Variants in MAGI3 observed in about 807,000 individuals in gnomAD.
MAGI3 encodes the protein membrane associated guanylate kinase, WW and PDZ domain containing 3.
Under a neutral mutation model 121.8 loss-of-function variants are expected in MAGI3, and 43 were observed. That is an observed-to-expected ratio of 0.35 (90% CI 0.28 to 0.46). MAGI3 has a LOEUF of 0.46. Among genes scored for constraint, MAGI3 ranks in the 20% least tolerant of loss-of-function variants. MAGI3 has a pLI of 1.00. For missense variants in MAGI3, 1,547 were observed against 1,797.3 expected (o/e 0.86, Z 2.52); for synonymous variants, 553 against 639.3 (o/e 0.86, Z 2.04).
intron 1 of MAGI3, among the ~76,000 whole-genome samples, chr1:113,453,781 A>G (rs1282766198): frequency 6.6e-6 from 1 of 152,218 alleles, no homozygotes. Flanking sequence ...CTAAGACTTT[A>G]AACAATAATA....
intron 1 of MAGI3, among the ~76,000 whole-genome samples, chr1:113,515,454 A>G (rs1196002081): frequency 1.3e-5 from 2 of 152,098 alleles, no homozygotes; most frequent in Non-Finnish European, 2.9e-5. Context: ...AAGTTTTTTT[A>G]TTTATATATG....
chr1:113,468,826 C>T (rs2101534776), intron 1 of MAGI3, among the ~76,000 whole-genome samples: 1 of 152,158 alleles, frequency 6.6e-6, no homozygotes, highest in South Asian at 2.1e-4. Context: ...ATGTGGCTCA[C>T]ATTTGTAGAT....
chr1:113,405,595 A>T (rs922049449), intron 1 of MAGI3, among the ~76,000 whole-genome samples: 3 of 150,234 alleles, frequency 2.0e-5, no homozygotes, highest in Non-Finnish European at 4.4e-5. Flanking sequence ...AGACTATTGT[A>T]GTTGCTTGTA....
intron 1 of MAGI3, among the ~76,000 whole-genome samples, chr1:113,396,367 G>A (rs1050721812): frequency 9.3e-5 from 14 of 150,836 alleles, no homozygotes; most frequent in African/African-American, 2.9e-4. Flanking sequence ...GAACCGTTTC[G>A]CCTTTAATAA....
At chr1:113,610,343 C>T (rs2101768294) in intron 6 of MAGI3, among the ~76,000 whole-genome samples, 1 of 152,278 alleles carries the variant, frequency 6.6e-6, no homozygotes, top group Non-Finnish European at 1.5e-5. Flanking sequence ...TTACTTTCTC[C>T]ATCTGCCGCT....
chr1:113,426,946 G>C (rs931382015), intron 1 of MAGI3, among the ~76,000 whole-genome samples: 8 of 151,260 alleles, frequency 5.3e-5, no homozygotes, highest in African/African-American at 1.7e-4. Flanking sequence ...ATATATATCT[G>C]TATCTATCTA....
intron 1 of MAGI3, among the ~76,000 whole-genome samples, chr1:113,516,118 A>G (rs1355187096): frequency 6.6e-6 from 1 of 152,040 alleles, no homozygotes; most frequent in Non-Finnish European, 1.5e-5. Flanking sequence ...GTTTAACTTC[A>G]TGTAGGTACA....
chr1:113,585,378 T>C lies in MAGI3; in HGVS notation c.554-9T>C. On this transcript the variant is annotated splice_polypyrimidine_tract_variant and intron_variant, in intron 3 of 20. Coordinates refer to ENST00000307546, the MANE Select transcript of MAGI3 (RefSeq NM_001142782.2). ...TTAGTAATTTCAGCTGCTATTTTAT[T>C]CACTTCAGGAAACTTCTATGGAACT... 6.2e-7 allele frequency: 1 copy of C among 1,612,746 alleles called. No homozygotes were observed. Among genetic ancestry groups the C allele is most frequent in the Non-Finnish European group, 8.5e-7 (1 of 1,179,152 alleles).
intron 2 of MAGI3, among the ~76,000 whole-genome samples, chr1:113,560,864 A>C (rs1348088500): frequency 6.6e-6 from 1 of 152,058 alleles, no homozygotes; most frequent in Admixed American, 6.6e-5. Context: ...AATAGACTTC[A>C]AGCTAGATTA....
In MAGI3 at chr1:113,396,985, T is replaced by C. The variant is rs184106340; in HGVS notation, c.316+5636T>C. 2.6e-5 allele frequency among the ~76,000 whole-genome samples: 4 copies of C among 152,316 alleles called. No individual in the cohort carries two copies. In the East Asian group the frequency reaches 7.7e-4, roughly 29 times the overall value. ...TAGTGGAGCTGCATTTTAGAAAGGATTTGGGTTCTCAAGTCATCACAAAAA... is the reference window on the plus strand; with the variant it reads ...TAGTGGAGCTGCATTTTAGAAAGGACTTGGGTTCTCAAGTCATCACAAAAA... On this transcript the variant is annotated intron_variant, in intron 1 of 20. Transcript: ENST00000307546.
chr1:113,609,390 T>C (rs1226437233), intron 6 of MAGI3, among the ~76,000 whole-genome samples: 1 of 152,248 alleles, frequency 6.6e-6, no homozygotes, highest in Admixed American at 6.5e-5. Flanking sequence ...TCTTCTGATA[T>C]TCTGAACACA....
intron 20 of MAGI3, 188 bp from the exon 21 acceptor site, chr1:113,682,709 T>C: frequency 1.0e-6 from 1 of 980,328 alleles, no homozygotes; most frequent in South Asian, 4.7e-5. Flanking sequence ...CCATCCTTCA[T>C]GTATGAACAG....
At chr1:113,479,120 G>C (rs1655992534) in intron 1 of MAGI3, among the ~76,000 whole-genome samples, 1 of 152,204 alleles carries the variant, frequency 6.6e-6, no homozygotes, top group African/African-American at 2.4e-5. Flanking sequence ...ACAGTATTTG[G>C]GCGGGAGTGT....
chr1:113,523,517 C>T (rs1658304934), intron 1 of MAGI3, among the ~76,000 whole-genome samples: 1 of 152,148 alleles, frequency 6.6e-6, no homozygotes, highest in South Asian at 2.1e-4. Flanking sequence ...TTGTTGGGAA[C>T]TGGAGCAAAG....
intron 1 of MAGI3, among the ~76,000 whole-genome samples, chr1:113,428,099 T>G (rs1445115353): frequency 6.6e-6 from 1 of 152,198 alleles, no homozygotes; most frequent in Non-Finnish European, 1.5e-5. Flanking sequence ...TGGCTTGCCT[T>G]TTCACTCTCT....
chr1:113,441,135 A>G (rs1399324790), intron 1 of MAGI3, among the ~76,000 whole-genome samples: 2 of 152,080 alleles, frequency 1.3e-5, no homozygotes, highest in Non-Finnish European at 2.9e-5. Context: ...CTTCAATGTC[A>G]ACTTCCGGAA....
chr1:113,641,585 T>G (rs1652534588), intron 9 of MAGI3, among the ~76,000 whole-genome samples: 1 of 152,044 alleles, frequency 6.6e-6, no homozygotes. Flanking sequence ...GTGCCTAGCT[T>G]TGCATGGATA....
intron 1 of MAGI3, among the ~76,000 whole-genome samples, chr1:113,464,698 G>A (rs930511565): frequency 6.6e-6 from 1 of 151,894 alleles, no homozygotes; most frequent in Non-Finnish European, 1.5e-5. Context: ...TTTTAACTAG[G>A]GTGAGATGGT....
At chr1:113,628,861 T>C (rs959246957) in intron 9 of MAGI3, among the ~76,000 whole-genome samples, 1 of 152,146 alleles carries the variant, frequency 6.6e-6, no homozygotes, top group Admixed American at 6.5e-5. Context: ...TCTTTGACCT[T>C]TGGGAGTTTG....
Sources: gnomAD v4.1 joint callset for allele counts (sites outside exome capture counted in the v4.1 genomes callset) on GRCh38, gnomAD v4.1.1 for gene constraint, MANE v1.5 for transcripts, NCBI Gene and HGNC (gene_info 2026-07-23, HGNC 2026-07-21) for gene names.